ZNF423: variants seen among roughly 807,000 people sequenced by gnomAD.
ZNF423 encodes Ebf-associated zinc finger protein.
Under a neutral mutation model 95.8 loss-of-function variants are expected in ZNF423, and 12 were observed. The ratio of observed to expected loss-of-function variants is 0.13; its 90% CI spans 0.08 to 0.20. The LOEUF (loss-of-function observed/expected upper bound fraction) is 0.20, where lower values mean the gene tolerates loss of function less well. ZNF423 is among the 10% of genes least tolerant of loss of function. ZNF423 has a pLI of 1.00. For missense variants in ZNF423, 1,316 were observed against 1,737.1 expected (o/e 0.76, Z 4.31); for synonymous variants, 749 against 711.9 (o/e 1.05, Z -0.83).
intron 3 of ZNF423, among the ~76,000 whole-genome samples, chr16:49,639,399 T>C (rs1011507297): frequency 6.6e-6 from 1 of 152,184 alleles, no homozygotes; most frequent in Non-Finnish European, 1.5e-5. Flanking sequence ...GGCCATAGAA[T>C]GCACCATTCT....
chr16:49,585,432 G>A (rs1308075512), intron 5 of ZNF423, among the ~76,000 whole-genome samples: 1 of 152,176 alleles, frequency 6.6e-6, no homozygotes, highest in Non-Finnish European at 1.5e-5. Context: ...CCGCTGTACA[G>A]CCAGCCATTG....
At chr16:49,707,626 A>C (rs2032397748) in intron 3 of ZNF423, among the ~76,000 whole-genome samples, 2 of 151,796 alleles carry the variant, frequency 1.3e-5, no homozygotes, top group African/African-American at 4.8e-5. Context: ...AAAAAAAAAA[A>C]AAAAACAAAG....
intron 3 of ZNF423, among the ~76,000 whole-genome samples, chr16:49,725,255 C>T (rs1346952574): frequency 2.6e-5 from 4 of 152,104 alleles, no homozygotes; most frequent in Non-Finnish European, 5.9e-5. Flanking sequence ...TATGGTGGGG[C>T]ATGCCTGTGG....
At chr16:49,633,535 C>T (rs1366795587) in intron 4 of ZNF423, among the ~76,000 whole-genome samples, 1 of 152,168 alleles carries the variant, frequency 6.6e-6, no homozygotes, top group Non-Finnish European at 1.5e-5. Flanking sequence ...TATTCATTAC[C>T]ACTGCCACTA....
At chr16:49,831,701 T>C (rs909452399) in intron 1 of ZNF423, among the ~76,000 whole-genome samples, 1 of 152,124 alleles carries the variant, frequency 6.6e-6, no homozygotes, top group African/African-American at 2.4e-5. Context: ...GAAGAAATTA[T>C]TGATAAAGTC....
At chr16:49,652,881 A>G (rs1973463764) in intron 3 of ZNF423, among the ~76,000 whole-genome samples, 1 of 152,218 alleles carries the variant, frequency 6.6e-6, no homozygotes, top group African/African-American at 2.4e-5. Flanking sequence ...ACAAGATACA[A>G]GCTTGTTTCT....
intron 1 of ZNF423, among the ~76,000 whole-genome samples, chr16:49,795,830 C>T (rs998018131): frequency 2.0e-5 from 3 of 152,192 alleles, no homozygotes; most frequent in Admixed American, 6.5e-5. Flanking sequence ...AAGGAGCACC[C>T]GAACACATCC....
chr16:49,559,841 C>T (rs1019004931), intron 5 of ZNF423, among the ~76,000 whole-genome samples: 57 of 152,160 alleles, frequency 3.7e-4, no homozygotes, highest in Admixed American at 3.7e-3. Context: ...AAGGCACGAT[C>T]CCAGTCAAGA....
intron 5 of ZNF423, among the ~76,000 whole-genome samples, chr16:49,597,633 G>C (rs1174492017): frequency 6.6e-6 from 1 of 152,044 alleles, no homozygotes; most frequent in Non-Finnish European, 1.5e-5. Flanking sequence ...TCTGCCGTGT[G>C]CAAGCCTGCC....
intron 1 of ZNF423, among the ~76,000 whole-genome samples, chr16:49,807,206 C>A (rs562850179): frequency 3.3e-5 from 5 of 151,892 alleles, no homozygotes; most frequent in Non-Finnish European, 4.4e-5. Context: ...CTGAGGCAGG[C>A]GGATCATGAG....
intron 2 of ZNF423, among the ~76,000 whole-genome samples, chr16:49,748,995 A>G (rs1431525926): frequency 6.6e-6 from 1 of 152,222 alleles, no homozygotes; most frequent in Non-Finnish European, 1.5e-5. Context: ...CAGCTTTTCC[A>G]CATGGACAAT....
intron 1 of ZNF423, among the ~76,000 whole-genome samples, chr16:49,824,921 G>A (rs1442562545): frequency 6.6e-6 from 1 of 152,090 alleles, no homozygotes; most frequent in Non-Finnish European, 1.5e-5. Context: ...CTCGTGGGCT[G>A]GTTTTTAAGA....
rs576854616 is a variant in ZNF423, at chr16:49,855,015, G to A, written c.40+720C>T. 3.0e-6 allele frequency: 3 copies of A among 985,032 alleles called. No individual in the cohort carries two copies. Among genetic ancestry groups the A allele is most frequent in the Non-Finnish European group, 3.6e-6 (3 of 829,750 alleles). 61.0% of individuals were successfully genotyped at this position (985,032 alleles called of 1,614,324 possible). A position where few individuals can be genotyped will look rare whatever the true frequency, so the allele number is the denominator to read the frequency against. On this transcript the variant is annotated intron_variant, in intron 1 of 7. Transcript: ENST00000563137. The surrounding 1 kb of genome is among the most constrained non-coding windows in gnomAD (Gnocchi z 4.7). Reference sequence around the variant, plus strand: ...CACCGCGGCCGCTGAGCTCCCCTGAGGACCTGCGTCCCGCCGGCGCCGTGC... The same window carrying A: ...CACCGCGGCCGCTGAGCTCCCCTGAAGACCTGCGTCCCGCCGGCGCCGTGC...
At chr16:49,676,637 A>ACACTCATAC (rs1405418135) in intron 3 of ZNF423, among the ~76,000 whole-genome samples, 3 of 152,012 alleles carry the variant, frequency 2.0e-5, no homozygotes, top group African/African-American at 7.2e-5. Flanking sequence ...TGAGGACCTG[A>ACACTCATAC]CACTCATACA....
intron 2 of ZNF423, among the ~76,000 whole-genome samples, chr16:49,785,015 G>A (rs1422254675): frequency 6.6e-6 from 1 of 151,856 alleles, no homozygotes; most frequent in Non-Finnish European, 1.5e-5. Context: ...GGAGGGCAGG[G>A]GTGATAGCTA....
At position 49,668,823 on chromosome 16, in the gene ZNF423, GCT is replaced by G. The variant is rs1396973668; in HGVS notation, c.302-29951_302-29950del. 3.3e-5 allele frequency among the ~76,000 whole-genome samples: 5 copies of G among 152,280 alleles called. No individual in the cohort carries two copies. In the East Asian group the frequency reaches 9.7e-4, roughly 29 times the overall value. On this transcript the variant is annotated intron_variant, in intron 3 of 7. Transcript: ENST00000563137. ...CACATGGGCTCGTGTTTGAATCTTG[GCT>G]CTGTCATCTACATGCTGTGTGACCT...
At chr16:49,833,619 C>A (rs2035084889) in intron 1 of ZNF423, among the ~76,000 whole-genome samples, 2 of 147,230 alleles carry the variant, frequency 1.4e-5, no homozygotes, top group Non-Finnish European at 3.0e-5. Flanking sequence ...CTTTATTCGG[C>A]AAGACAATGA....
chr16:49,655,109 C>T (rs1973555246), intron 3 of ZNF423, among the ~76,000 whole-genome samples: 1 of 152,178 alleles, frequency 6.6e-6, no homozygotes, highest in Admixed American at 6.5e-5. Flanking sequence ...CTGGGACCTC[C>T]AGATACAGAG....
At chr16:49,722,315 T>A (rs536847567) in intron 3 of ZNF423, among the ~76,000 whole-genome samples, 1 of 152,214 alleles carries the variant, frequency 6.6e-6, no homozygotes, top group Non-Finnish European at 1.5e-5. Flanking sequence ...CAGGTCAGCA[T>A]CTTCCTGAGA....
Sources: allele counts gnomAD v4.1 joint callset (sites outside exome capture counted in the v4.1 genomes callset), GRCh38; gene constraint gnomAD v4.1.1; non-coding constraint Gnocchi (gnomAD v3.1); transcripts MANE v1.5; gene names NCBI Gene and HGNC (gene_info 2026-07-23, HGNC 2026-07-21).